TMPRSS11F: variants seen among roughly 807,000 people sequenced by gnomAD.
The protein encoded by TMPRSS11F is transmembrane protease serine 11F.
A neutral mutation model predicts 60.2 loss-of-function variants in TMPRSS11F; 47 were observed. That is an observed-to-expected ratio of 0.78 (90% CI 0.62 to 1.00). The LOEUF (loss-of-function observed/expected upper bound fraction) is 1.00. Ranked by LOEUF, TMPRSS11F falls within the 50% of genes least tolerant of loss-of-function variation. The pLI is 0.00. For missense variants in TMPRSS11F, 519 were observed against 522.9 expected, an observed-to-expected ratio of 0.99 and a Z score of 0.07; for synonymous variants, 166 against 167.3, an observed-to-expected ratio of 0.99 and a Z score of 0.06.
Position 68,108,083 on chromosome 4 carries a change from C to T in TMPRSS11F, c.12-9045G>A, listed in dbSNP as rs181331635. Among the ~76,000 whole-genome samples the T allele has an allele frequency of 1.6e-3, 239 of 152,264 alleles. 2 individuals are homozygous for T. Among genetic ancestry groups the T allele is most frequent in the Middle Eastern group, 0.01 (3 of 294 alleles). ...AAGCAGCAAAACTGATTAGGGGACC[C>T]TTGCAATAGTTCAGGTCTGAGATGA... On this transcript the variant is annotated intron_variant, in intron 1 of 9. Transcript: ENST00000356291.
chr4:68,090,776 A>G (rs1723912660), intron 2 of TMPRSS11F, 135 bp from the exon 3 acceptor site: 1 of 1,408,096 alleles, frequency 7.1e-7, no homozygotes. Context: ...TCTTGAAGAC[A>G]CTTCTCAAAT....
chr4:68,060,549 T>C (rs1292249740), intron 8 of TMPRSS11F, among the ~76,000 whole-genome samples: 1 of 68,288 alleles, frequency 1.5e-5, no homozygotes, highest in African/African-American at 3.6e-5. Context: ...AAAGATATAT[T>C]AACACTAGTT....
At chr4:68,058,955 C>T (rs1445221524) in intron 9 of TMPRSS11F, among the ~76,000 whole-genome samples, 1 of 152,034 alleles carries the variant, frequency 6.6e-6, no homozygotes, top group Non-Finnish European at 1.5e-5. Flanking sequence ...AAAAGTCCAG[C>T]ATTTAAACAG....
At chr4:68,087,867 C>T (rs1723846993) in intron 3 of TMPRSS11F, among the ~76,000 whole-genome samples, 1 of 108,682 alleles carries the variant, frequency 9.2e-6, no homozygotes, top group East Asian at 3.4e-4. Context: ...TATCCCTCCC[C>T]CCTCCCCCCA....
At chr4:68,124,000 C>G (rs1724669296) in intron 1 of TMPRSS11F, among the ~76,000 whole-genome samples, 1 of 152,014 alleles carries the variant, frequency 6.6e-6, no homozygotes, top group Non-Finnish European at 1.5e-5. Flanking sequence ...GCAGGTAGAT[C>G]CCCTGAGGCC....
intron 9 of TMPRSS11F, among the ~76,000 whole-genome samples, chr4:68,055,914 T>G (rs1195949291): frequency 1.3e-5 from 2 of 152,176 alleles, no homozygotes; most frequent in African/African-American, 2.4e-5. Flanking sequence ...TCAATAAGTG[T>G]GATTCATTAC....
Position 68,127,618 on chromosome 4 carries a change from C to T in TMPRSS11F, c.11+2192G>A, listed in dbSNP as rs72855024. ...TCATAGAATTAAGCATTCAAAAGGACTTCAGGGCTATCTAACCCAGTGTAT... is the reference window on the plus strand; with the variant it reads ...TCATAGAATTAAGCATTCAAAAGGATTTCAGGGCTATCTAACCCAGTGTAT... On this transcript the variant is annotated intron_variant, in intron 1 of 9. Transcript: ENST00000356291. 5.2e-3 allele frequency among the ~76,000 whole-genome samples: 791 copies of T among 152,218 alleles called. 9 individuals carry two copies. Among genetic ancestry groups the T allele is most frequent in the African/African-American group, 0.016 (679 of 41,550 alleles).
At chr4:68,093,758 C>G (rs934958803) in intron 2 of TMPRSS11F, among the ~76,000 whole-genome samples, 8 of 151,810 alleles carry the variant, frequency 5.3e-5, no homozygotes, top group African/African-American at 1.9e-4. Flanking sequence ...AGACACATCT[C>G]AAAAGAAGAC....
intron 2 of TMPRSS11F, among the ~76,000 whole-genome samples, chr4:68,096,117 AT>A (rs200352972): frequency 5.5e-5 from 8 of 144,320 alleles, no homozygotes; most frequent in East Asian, 2.2e-4. Flanking sequence ...TCAGTCAATA[AT>A]TTAAAAAAAA....
intron 1 of TMPRSS11F, among the ~76,000 whole-genome samples, chr4:68,118,961 GA>G (rs1252301859): frequency 6.6e-6 from 1 of 152,128 alleles, no homozygotes; most frequent in East Asian, 1.9e-4. Context: ...TGAAAGGTAA[GA>G]CAGGCTGAAA....
intron 1 of TMPRSS11F, among the ~76,000 whole-genome samples, chr4:68,115,051 T>C (rs1237390747): frequency 7.3e-6 from 1 of 136,514 alleles, no homozygotes; most frequent in African/African-American, 2.8e-5. Context: ...AAGCTAGGGA[T>C]AGAAGAAAAG....
At chr4:68,094,346 C>A (rs1468437964) in intron 2 of TMPRSS11F, among the ~76,000 whole-genome samples, 1 of 133,038 alleles carries the variant, frequency 7.5e-6, no homozygotes, top group African/African-American at 2.8e-5. Context: ...GGGAATTGAA[C>A]AATGAGAACA....
chr4:68,083,974 G>T (rs2109857833), intron 3 of TMPRSS11F, among the ~76,000 whole-genome samples: 1 of 152,222 alleles, frequency 6.6e-6, no homozygotes, highest in Admixed American at 6.5e-5. Flanking sequence ...GCCACTTTAA[G>T]AAAGGACTAA....
intron 2 of TMPRSS11F, among the ~76,000 whole-genome samples, chr4:68,092,038 G>A (rs543286834): frequency 0.036 from 5,431 of 151,998 alleles, 274 homozygotes; most frequent in African/African-American, 0.11. Flanking sequence ...CATGAGCCTA[G>A]GCCTCCCAAA....
At chr4:68,125,578 T>C (rs1041510052) in intron 1 of TMPRSS11F, among the ~76,000 whole-genome samples, 2 of 152,186 alleles carry the variant, frequency 1.3e-5, no homozygotes, top group African/African-American at 4.8e-5. Flanking sequence ...CTGTGCTTCA[T>C]AATAAATAAT....
At position 68,129,834 on chromosome 4, in the gene TMPRSS11F, G is replaced by A. The variant is rs1488867430; in HGVS notation, c.-14C>T. 3 of 1,612,896 alleles carry A rather than the reference G, an allele frequency of 1.9e-6. No homozygotes were observed. Among genetic ancestry groups the A allele is most frequent in the Middle Eastern group, 1.6e-4 (1 of 6,074 alleles). On this transcript the variant is annotated 5_prime_UTR_variant, in exon 1 of 10. Transcript: ENST00000356291. ...CGCGTACATCATGAACCCAGGACTGGGGCAGCTTCTATTCAGTCACCATCT... is the reference window on the plus strand; with the variant it reads ...CGCGTACATCATGAACCCAGGACTGAGGCAGCTTCTATTCAGTCACCATCT...
intron 9 of TMPRSS11F, among the ~76,000 whole-genome samples, chr4:68,056,635 C>T (rs1020806204): frequency 7.1e-6 from 1 of 141,342 alleles, no homozygotes; most frequent in East Asian, 2.1e-4. Flanking sequence ...TGTTAAAATG[C>T]AATCCCTACC....
At chr4:68,084,608 A>G (rs1459927578) in intron 3 of TMPRSS11F, among the ~76,000 whole-genome samples, 1 of 152,218 alleles carries the variant, frequency 6.6e-6, no homozygotes, top group Non-Finnish European at 1.5e-5. Flanking sequence ...AGATATGCAA[A>G]AGCTAAGAGA....
At chr4:68,058,707 C>T (rs1723095262) in intron 9 of TMPRSS11F, among the ~76,000 whole-genome samples, 1 of 152,034 alleles carries the variant, frequency 6.6e-6, no homozygotes, top group Non-Finnish European at 1.5e-5. Flanking sequence ...GTAGGTTGTG[C>T]ATGTTGGGAA....
Sources: allele counts gnomAD v4.1 joint callset (sites outside exome capture counted in the v4.1 genomes callset), GRCh38; gene constraint gnomAD v4.1.1; transcripts MANE v1.5; gene names NCBI Gene and HGNC (gene_info 2026-07-23, HGNC 2026-07-21).